Variants in L2HGDH observed in about 807,000 individuals in gnomAD.
The protein encoded by L2HGDH is L-2-hydroxyglutarate dehydrogenase.
L2HGDH carries 34 observed loss-of-function variants against 51.5 expected under a neutral mutation model. The observed-to-expected ratio is 0.66, with a 90% CI of 0.50 to 0.88. The LOEUF (loss-of-function observed/expected upper bound fraction) is 0.88, where lower values mean the gene tolerates loss of function less well. L2HGDH is among the 40% of genes least tolerant of loss of function. L2HGDH has a pLI of 0.00. For missense variants in L2HGDH, 558 were observed against 571.9 expected, an observed-to-expected ratio of 0.98 and a Z score of 0.25; for synonymous variants, 198 against 197.9, an observed-to-expected ratio of 1.00 and a Z score of -0.01.
Position 50,312,038 on chromosome 14 carries a change from C to T in L2HGDH, c.113G>A (p.Cys38Tyr), listed in dbSNP as rs1566547560. 3 of 1,582,142 alleles carry T rather than the reference C, an allele frequency of 1.9e-6. No individual in the cohort carries two copies. Among genetic ancestry groups the T allele is most frequent in the East Asian group, 4.6e-5 (2 of 43,538 alleles). The stretch of plus-strand genomic sequence containing the variant: ...GGTGCTGGCGCTGCGGCTACCTCCA[C>T]ACAGCGGTCTTGGCCTCCCAGACGC... ...GFASGRPRPLCGGSRSASTSS... is the reference protein window; with the variant it reads ...GFASGRPRPLYGGSRSASTSS... Residue 38 changes from cysteine (C) to tyrosine (Y), a missense_variant, in exon 1 of 10, where the codon TGT becomes TAT. By Grantham distance (194) the Cys-to-Tyr change is radical. Coordinates refer to ENST00000267436, the MANE Select transcript of L2HGDH (RefSeq NM_024884.3).
chr14:50,312,206 G>C lies in L2HGDH; in HGVS notation c.-56C>G, dbSNP rs1013606366. The C allele has an allele frequency of 2.1e-5, 33 of 1,596,200 alleles. No individual in the cohort carries two copies. The highest frequency in any genetic ancestry group is 2.7e-5 in the Non-Finnish European group (32 of 1,175,018). On this transcript the variant is annotated 5_prime_UTR_variant, in exon 1 of 10. Coordinates refer to ENST00000267436, the MANE Select transcript of L2HGDH (RefSeq NM_024884.3). ...CAGAAGAAGCCACTTGACCCTCCAC[G>C]GCCGAGGACCCGCGCTCTTTAGCCC...
At chr14:50,294,491 A>G (rs920555494) in intron 3 of L2HGDH, among the ~76,000 whole-genome samples, 55 of 152,338 alleles carry the variant, frequency 3.6e-4, no homozygotes, top group African/African-American at 1.0e-3. Flanking sequence ...TGTAGCTTCA[A>G]TTTCCACTTC....
chr14:50,257,422 G>A (rs1252794156), intron 9 of L2HGDH, among the ~76,000 whole-genome samples: 2 of 150,774 alleles, frequency 1.3e-5, no homozygotes, highest in Non-Finnish European at 3.0e-5. Flanking sequence ...CAGGCTGGAG[G>A]GCAGTGGTGT....
chr14:50,251,898 T>A (rs1186831324), intron 9 of L2HGDH, among the ~76,000 whole-genome samples: 1 of 152,042 alleles, frequency 6.6e-6, no homozygotes, highest in African/African-American at 2.4e-5. Context: ...AAAAGGATGT[T>A]AATGAGCAAG....
In L2HGDH at chr14:50,265,979, T is replaced by C. The variant is rs185194757; in HGVS notation, c.1065-490A>G. Among the ~76,000 whole-genome samples, 14 of 151,964 alleles carry C rather than the reference T, an allele frequency of 9.2e-5. 1 individual carries two copies. In the East Asian group the frequency reaches 2.5e-3, roughly 27 times the overall value. The stretch of plus-strand genomic sequence containing the variant: ...TGGCCAATATCAGAAGAAAACCTCA[T>C]CAGCTCAGGAGGTAAACAGAGCTGG... On this transcript the variant is annotated intron_variant, in intron 8 of 9. Coordinates refer to ENST00000267436, the MANE Select transcript of L2HGDH (RefSeq NM_024884.3).
chr14:50,244,453 G>A lies in L2HGDH; in HGVS notation c.*2605C>T, dbSNP rs1174326404. On this transcript the variant is annotated 3_prime_UTR_variant, in exon 10 of 10. Transcript: ENST00000267436. ...TTTACAACTTAGTATGTATGCAATC[G>A]TACTACTGACAAAATACAGAATGAT... The A allele has an allele frequency of 9.1e-6, 9 of 984,278 alleles. No individual in the cohort carries two copies. The highest frequency in any genetic ancestry group is 1.1e-4 in the East Asian group (1 of 8,820). 61.0% of individuals were successfully genotyped at this position (984,278 alleles called of 1,614,324 possible).
chr14:50,278,409 CA>C, intron 6 of L2HGDH, 110 bp downstream of exon 6: 1 of 748,408 alleles, frequency 1.3e-6, no homozygotes, highest in Non-Finnish European at 2.3e-6. Flanking sequence ...CTCAGAATTA[CA>C]TTAGACAAAT....
At chr14:50,280,869 C>T (rs914266214) in intron 5 of L2HGDH, among the ~76,000 whole-genome samples, 1 of 152,072 alleles carries the variant, frequency 6.6e-6, no homozygotes, top group East Asian at 1.9e-4. Context: ...GGCTGCAGTG[C>T]AGTGATGCAA....
intron 5 of L2HGDH, among the ~76,000 whole-genome samples, chr14:50,283,111 G>A (rs575673151): frequency 8.3e-4 from 126 of 152,136 alleles, no homozygotes; most frequent in African/African-American, 3.0e-3. Context: ...TCAGGTGGGA[G>A]GATCACTTGA....
chr14:50,247,238 T>C lies in L2HGDH; in HGVS notation c.1212A>G (p.Val404=). Residue 404 remains valine, a synonymous_variant, in exon 10 of 10, where the codon GTA becomes GTG. Transcript: ENST00000267436. ...CATCTCTATCCAGGGCCTGGGCTCT[T>C]ACTCCAGCTGGGCCCCTGCAAAAGT... ...ISDILRGPAG[V]RAQALDRDGN... The C allele has an allele frequency of 6.2e-7, 1 of 1,613,596 alleles. No individual in the cohort carries two copies. Among genetic ancestry groups the C allele is most frequent in the Non-Finnish European group, 8.5e-7 (1 of 1,179,766 alleles).
intron 1 of L2HGDH, among the ~76,000 whole-genome samples, chr14:50,305,807 C>G (rs904461299): frequency 6.6e-6 from 1 of 152,150 alleles, no homozygotes; most frequent in Non-Finnish European, 1.5e-5. Flanking sequence ...CACGTATGTT[C>G]AAGTCTTGTA....
chr14:50,255,273 G>A (rs1353693114), intron 9 of L2HGDH, among the ~76,000 whole-genome samples: 1 of 151,842 alleles, frequency 6.6e-6, no homozygotes, highest in Non-Finnish European at 1.5e-5. Flanking sequence ...GGTGGCTCCC[G>A]CCTGTAATCC....
chr14:50,285,624 A>G (rs1890525826), intron 4 of L2HGDH, among the ~76,000 whole-genome samples: 1 of 152,232 alleles, frequency 6.6e-6, no homozygotes, highest in South Asian at 2.1e-4. Context: ...ATTATGTGAC[A>G]AGTATAACAG....
In L2HGDH at chr14:50,284,126, G is replaced by A. The variant is rs953339575; in HGVS notation, c.541-93C>T. On this transcript the variant is annotated intron_variant, in intron 4 of 9. Transcript: ENST00000267436. The stretch of plus-strand genomic sequence containing the variant: ...AATCAAGAAACAATTTTGTCCTTTA[G>A]AGGAGTTGATTTTGCCAAGCTTTTC... 5 of 1,289,806 alleles carry A rather than the reference G, an allele frequency of 3.9e-6. No individual in the cohort carries two copies. In the African/African-American group the frequency reaches 4.5e-5, roughly 12 times the overall value. 79.9% of individuals were successfully genotyped at this position (1,289,806 alleles called of 1,614,324 possible). A position where few individuals can be genotyped will look rare whatever the true frequency, so the allele number is the denominator to read the frequency against.
intron 9 of L2HGDH, among the ~76,000 whole-genome samples, chr14:50,249,924 CAG>C (rs1437599540): frequency 9.6e-6 from 1 of 103,780 alleles, no homozygotes; most frequent in African/African-American, 3.6e-5. Context: ...TTTTGTGAGA[CAG>C]AGTCTCGCTC....
intron 6 of L2HGDH, among the ~76,000 whole-genome samples, chr14:50,270,289 GC>G (rs1889596660): frequency 6.6e-6 from 1 of 152,078 alleles, no homozygotes; most frequent in Non-Finnish European, 1.5e-5. Flanking sequence ...ACTAAGTTTA[GC>G]CAATTTGTCA....
intron 9 of L2HGDH, among the ~76,000 whole-genome samples, chr14:50,249,882 C>CTTTTTTTTTTTTTTT (rs747924080): frequency 1.5e-5 from 1 of 68,912 alleles, no homozygotes; most frequent in Non-Finnish European, 2.6e-5. Context: ...GCTTACACTC[C>CTTTTTTTTTTTTTTT]TTTTTTTTTT....
chr14:50,274,301 C>A (rs1189873406), intron 6 of L2HGDH, among the ~76,000 whole-genome samples: 4 of 150,080 alleles, frequency 2.7e-5, no homozygotes, highest in Non-Finnish European at 5.9e-5. Context: ...AGTGGGGGGG[C>A]CAAGGACCTG....
chr14:50,259,416 T>C (rs1309120783), intron 9 of L2HGDH, among the ~76,000 whole-genome samples: 1 of 145,720 alleles, frequency 6.9e-6, no homozygotes, highest in Non-Finnish European at 1.5e-5. Flanking sequence ...TCACCTGGGC[T>C]GATCTCACTA....
Sources: gnomAD v4.1 joint callset for allele counts (sites outside exome capture counted in the v4.1 genomes callset) on GRCh38, gnomAD v4.1.1 for gene constraint, MANE v1.5 for transcripts, NCBI Gene and HGNC (gene_info 2026-07-23, HGNC 2026-07-21) for gene names.